Variants in SLCO2B1 observed in about 807,000 individuals in gnomAD.
The protein encoded by SLCO2B1 is solute carrier organic anion transporter family member 2B1.
A neutral mutation model predicts 67.3 loss-of-function variants in SLCO2B1; 41 were observed. The observed-to-expected ratio is 0.61, with a 90% CI of 0.47 to 0.79. The LOEUF is 0.79. Among genes scored for constraint, SLCO2B1 ranks in the 30% least tolerant of loss-of-function variants. The pLI is 0.00. For missense variants in SLCO2B1, 837 were observed against 920.1 expected (o/e 0.91, Z 1.17); for synonymous variants, 379 against 381.4 (o/e 0.99, Z 0.07).
At chr11:75,181,123 C>T (rs1048457094) in intron 7 of SLCO2B1, among the ~76,000 whole-genome samples, 2 of 152,092 alleles carry the variant, frequency 1.3e-5, no homozygotes, top group African/African-American at 2.4e-5. Context: ...AATCCCAGCA[C>T]TTTGGGAGGC....
intron 5 of SLCO2B1, 125 bp from the exon 6 acceptor site, chr11:75,169,541 C>T: frequency 1.7e-6 from 2 of 1,193,552 alleles, no homozygotes; most frequent in Non-Finnish European, 2.4e-6. Flanking sequence ...CCAGGGAAGC[C>T]CTGGAGAGTT....
intron 6 of SLCO2B1, among the ~76,000 whole-genome samples, chr11:75,171,641 T>A (rs1362252233): frequency 6.6e-6 from 1 of 152,196 alleles, no homozygotes; most frequent in African/African-American, 2.4e-5. Flanking sequence ...TTAAGAAGTA[T>A]GACGGGAGCT....
intron 8 of SLCO2B1, among the ~76,000 whole-genome samples, chr11:75,192,610 TG>T (rs1327186906): frequency 6.6e-6 from 1 of 151,696 alleles, no homozygotes; most frequent in Non-Finnish European, 1.5e-5. Flanking sequence ...TGACATGGGA[TG>T]GGATGGACGA....
intron 7 of SLCO2B1, among the ~76,000 whole-genome samples, chr11:75,185,587 A>G (rs1591827622): frequency 6.7e-6 from 1 of 149,152 alleles, no homozygotes; most frequent in East Asian, 2.0e-4. Flanking sequence ...GCTCACTGCA[A>G]CTGTTACCAG....
Position 75,172,530 on chromosome 11 carries a change from G to T in SLCO2B1, c.933G>T (p.Arg311=), listed in dbSNP as rs1235939271. The change falls in exon 7 of 14, where the codon CGG becomes CGT. Residue 311 remains arginine, a synonymous_variant. Coordinates refer to ENST00000289575, the MANE Select transcript of SLCO2B1 (RefSeq NM_007256.5). ...AGGAAAAACGTGAGCTTCAGTTTCG[G>T]CGAAAGGTCTTAGCAGTCACAGACT... The part of the protein sequence containing the change: ...MPKEKRELQF[R]RKVLAVTDSP... The T allele has an allele frequency of 6.2e-7, 1 of 1,614,030 alleles. No homozygotes were observed. Among genetic ancestry groups the T allele is most frequent in the Non-Finnish European group, 8.5e-7 (1 of 1,180,026 alleles).
intron 8 of SLCO2B1, among the ~76,000 whole-genome samples, chr11:75,189,066 C>T (rs1355744843): frequency 6.6e-6 from 1 of 152,200 alleles, no homozygotes; most frequent in African/African-American, 2.4e-5. Context: ...TCTGGGCCTC[C>T]GTTTCCCCAT....
At chr11:75,196,725 C>T (rs200663058) in intron 10 of SLCO2B1, 46 bp downstream of exon 10, 5 of 1,569,548 alleles carry the variant, frequency 3.2e-6, no homozygotes, top group Admixed American at 1.8e-5. Flanking sequence ...AGGACTCTGC[C>T]TGCCCTGTCT....
intron 9 of SLCO2B1, chr11:75,196,218 C>T (rs1047111586): frequency 3.2e-6 from 1 of 317,094 alleles, no homozygotes; most frequent in Non-Finnish European, 5.8e-6. Context: ...CCTCATCTGA[C>T]ACTAACTTCT....
chr11:75,173,105 G>A (rs1446728385), intron 7 of SLCO2B1, among the ~76,000 whole-genome samples: 1 of 152,160 alleles, frequency 6.6e-6, no homozygotes, highest in Non-Finnish European at 1.5e-5. Flanking sequence ...AGCAAGCAAG[G>A]CAGCACTGGG....
rs529554274 is a variant in SLCO2B1, at chr11:75,167,096, A to G, written c.448+1147A>G. The stretch of plus-strand genomic sequence containing the variant: ...AGGCCATTAGAGCCCTGAATAGGGG[A>G]AGGACCTTGGCAGCTGGAGGGAGCT... On this transcript the variant is annotated intron_variant, in intron 4 of 13. Transcript: ENST00000289575. 2.5e-3 allele frequency among the ~76,000 whole-genome samples: 388 copies of G among 152,266 alleles called. 1 individual carries two copies. Among genetic ancestry groups the G allele is most frequent in the African/African-American group, 9.0e-3 (373 of 41,550 alleles).
chr11:75,194,883 C>T (rs1050082994), intron 9 of SLCO2B1, among the ~76,000 whole-genome samples: 6 of 152,186 alleles, frequency 3.9e-5, no homozygotes, highest in South Asian at 2.1e-4. Context: ...TAAATTCTTG[C>T]GATTTATTCA....
chr11:75,200,158 C>G, intron 10 of SLCO2B1, 66 bp from the exon 11 acceptor site: 2 of 1,518,226 alleles, frequency 1.3e-6, no homozygotes, highest in Non-Finnish European at 1.8e-6. Context: ...TTCCCCGCTG[C>G]AAGCCCTTGG....
intron 8 of SLCO2B1, among the ~76,000 whole-genome samples, chr11:75,189,409 G>A (rs1944984844): frequency 1.3e-5 from 2 of 152,122 alleles, no homozygotes; most frequent in African/African-American, 4.8e-5. Context: ...GCTATTACGA[G>A]AATCAAATGA....
chr11:75,169,787 T>G lies in SLCO2B1; in HGVS notation c.781+23T>G, dbSNP rs1008305470. On this transcript the variant is annotated intron_variant, in intron 6 of 13. Transcript: ENST00000289575. ...AAGGTGAGCCTCAGGAGCACATGTT[T>G]GCTAGACCCTAGCTAACTGACTGCC... The G allele has an allele frequency of 2.5e-6, 4 of 1,582,962 alleles. No individual in the cohort carries two copies. In the African/African-American group the frequency reaches 5.4e-5, roughly 21 times the overall value.
chr11:75,166,029 C>T (rs1472331583), intron 4 of SLCO2B1, 80 bp downstream of exon 4: 1 of 1,488,818 alleles, frequency 6.7e-7, no homozygotes, highest in Non-Finnish European at 9.1e-7. Context: ...CACAGGCATT[C>T]ATCTGGCAGG....
intron 7 of SLCO2B1, among the ~76,000 whole-genome samples, chr11:75,177,716 T>C (rs1378262074): frequency 6.6e-6 from 1 of 152,180 alleles, no homozygotes; most frequent in African/African-American, 2.4e-5. Context: ...CAGCCTGTGT[T>C]TCATGGGATG....
rs778437400 is a variant in SLCO2B1, at chr11:75,203,465, G to A, written c.1949+38G>A. 2.5e-6 allele frequency: 4 copies of A among 1,612,028 alleles called. No homozygotes were observed. In the African/African-American group the frequency reaches 5.3e-5, roughly 22 times the overall value. The stretch of plus-strand genomic sequence containing the variant: ...TTGATGGCTTGTGGGAAGGGTGCTG[G>A]AAATACTCTCAGAGTCCCAGGCAGG... On this transcript the variant is annotated intron_variant, in intron 13 of 13. Transcript: ENST00000289575.
At position 75,165,926 on chromosome 11, in the gene SLCO2B1, A is replaced by G. The variant is rs769789363; in HGVS notation, c.425A>G (p.Tyr142Cys). Residue 142 changes from tyrosine (Y) to cysteine (C), a missense_variant, in exon 4 of 14, where the codon TAC becomes TGC. By Grantham distance (194) the Tyr-to-Cys change is radical (BLOSUM62 -2). Coordinates refer to ENST00000289575, the MANE Select transcript of SLCO2B1 (RefSeq NM_007256.5). ...MTLPHFISEP[Y>C]RYDNTSPEDM... ...CTCCCGCACTTCATCTCGGAGCCAT[A>G]CCGCTACGACAACACCAGCCCTGGT... 1 of 1,614,048 alleles carries G rather than the reference A, an allele frequency of 6.2e-7. No individual in the cohort carries two copies. The highest frequency in any genetic ancestry group is 8.5e-7 in the Non-Finnish European group (1 of 1,179,968).
At chr11:75,154,662 C>A (rs541052881) in intron 1 of SLCO2B1, among the ~76,000 whole-genome samples, 24 of 152,342 alleles carry the variant, frequency 1.6e-4, no homozygotes, top group African/African-American at 4.3e-4. Context: ...TCTTTCTGGA[C>A]AAATCTGTAC....
Sources: gnomAD v4.1 joint callset for allele counts (sites outside exome capture counted in the v4.1 genomes callset) on GRCh38, gnomAD v4.1.1 for gene constraint, MANE v1.5 for transcripts, NCBI Gene and HGNC (gene_info 2026-07-23, HGNC 2026-07-21) for gene names.